The following MBOAT4 variants were observed in gnomAD, a reference collection of about 807,000 sequenced individuals.
MBOAT4 encodes the protein membrane-bound ghrelin O-acyltransferase MBOAT4.
MBOAT4 carries 11 observed loss-of-function variants against 13.2 expected under a neutral mutation model. That is an observed-to-expected ratio of 0.84 (90% confidence interval 0.53 to 1.38). The LOEUF (loss-of-function observed/expected upper bound fraction) is 1.38. MBOAT4 is among the 40% of genes most tolerant of loss of function. The pLI is 0.00. For synonymous variants in MBOAT4, 202 were observed against 210.3 expected (o/e 0.96, Z 0.34); for missense variants, 481 against 527.2 (o/e 0.91, Z 0.86).
At position 30,138,531 on chromosome 8, in the gene MBOAT4, C is replaced by T; in HGVS notation, c.344+1G>A. 6.5e-7 allele frequency: 1 copy of T among 1,544,428 alleles called. No individual in the cohort carries two copies. Among genetic ancestry groups the T allele is most frequent in the Non-Finnish European group, 8.8e-7 (1 of 1,141,142 alleles). ...GCATGACCAACGAACAGGCTGCTTA[C>T]CTCACAGAAGGAGGCTCATGCAGAT... On this transcript the variant is annotated splice_donor_variant, in intron 2 of 2. Transcript: ENST00000320542. LOFTEE classifies it high-confidence loss of function.
intron 2 of MBOAT4, among the ~76,000 whole-genome samples, chr8:30,134,914 C>G (rs1803106498): frequency 6.6e-6 from 1 of 152,106 alleles, no homozygotes; most frequent in Admixed American, 6.6e-5. Flanking sequence ...CGGTCTCACT[C>G]TATCACCCAG....
At chr8:30,137,891 G>T in intron 2 of MBOAT4, 1 of 251,984 alleles carries the variant, frequency 4.0e-6, no homozygotes, top group Admixed American at 5.1e-5. Context: ...TCCTCCAATT[G>T]CTCCTGGGGA....
chr8:30,135,913 GAA>G (rs36032566), intron 2 of MBOAT4, among the ~76,000 whole-genome samples: 5 of 128,860 alleles, frequency 3.9e-5, no homozygotes, highest in Non-Finnish European at 7.9e-5. Context: ...GACCTTGTCT[GAA>G]AAAAAAAAAA....
intron 2 of MBOAT4, among the ~76,000 whole-genome samples, chr8:30,134,361 T>G (rs1357855956): frequency 2.6e-5 from 4 of 151,316 alleles, no homozygotes; most frequent in Non-Finnish European, 5.9e-5. Flanking sequence ...AGGCGGAGGT[T>G]GCAGTGAGCC....
intron 2 of MBOAT4, among the ~76,000 whole-genome samples, chr8:30,134,511 G>C (rs866415179): frequency 6.6e-6 from 1 of 151,518 alleles, no homozygotes; most frequent in Non-Finnish European, 1.5e-5. Flanking sequence ...TATTCCCACT[G>C]TAATGCCCAA....
chr8:30,136,335 C>T (rs528235279), intron 2 of MBOAT4, among the ~76,000 whole-genome samples: 9 of 152,316 alleles, frequency 5.9e-5, no homozygotes, highest in South Asian at 2.1e-4. Context: ...GTGACCATCA[C>T]GCGGACATAC....
intron 2 of MBOAT4, 189 bp downstream of exon 2, chr8:30,138,343 A>T: frequency 1.8e-6 from 1 of 549,408 alleles, no homozygotes; most frequent in South Asian, 2.5e-5. Context: ...GCAACACAGT[A>T]TTGTTAGCCC....
intron 2 of MBOAT4, chr8:30,137,520 C>G: frequency 1.3e-6 from 2 of 1,506,216 alleles, no homozygotes; most frequent in Non-Finnish European, 1.8e-6. Context: ...TGCTCAGTGC[C>G]AGACACTGCA....
chr8:30,138,649 G>A lies in MBOAT4; in HGVS notation c.227C>T (p.Ser76Phe). 1.3e-6 allele frequency: 2 copies of A among 1,551,390 alleles called. No individual in the cohort carries two copies. The highest frequency in any genetic ancestry group is 1.7e-6 in the Non-Finnish European group (2 of 1,146,868). Residue 76 changes from serine (S) to phenylalanine (F), a missense_variant, in exon 2 of 3, where the codon TCC becomes TTC. Transcript: ENST00000320542. ...PAVCAVALLC[S>F]LAPQQVHRWT... ...CCTGTGGACTTGCTGAGGAGCCAGGGAACAGAGGAGAGCCACAGCGCAGAC... is the reference window on the plus strand; with the variant it reads ...CCTGTGGACTTGCTGAGGAGCCAGGAAACAGAGGAGAGCCACAGCGCAGAC...
rs1425203560 is a variant in MBOAT4 at position 30,132,816 on chromosome 8, T to G, written c.435A>C (p.Ala145=). Residue 145 remains alanine (A), a synonymous_variant, in exon 3 of 3, where the codon GCA becomes GCC. Coordinates refer to ENST00000320542, the MANE Select transcript of MBOAT4 (RefSeq NM_001100916.2). ...LDICEGKVKA[A]SGGFRSRSSL... ...AGCTCCTGCTCCTGAAGCCTCCAGA[T>G]GCTGCCTTCACTTTCCCCTCACAAA... is the stretch of plus-strand genomic sequence containing the variant. 6.4e-7 allele frequency: 1 copy of G among 1,551,774 alleles called. No individual in the cohort carries two copies. Among genetic ancestry groups the G allele is most frequent in the Admixed American group, 2.0e-5 (1 of 51,006 alleles).
Position 30,132,126 on chromosome 8 carries a change from CCTCATCGGCCAGGATCTGATAAA to C in MBOAT4, c.1102_1124del (p.Phe368AlafsTer4). The C allele has an allele frequency of 6.4e-7, 1 of 1,551,672 alleles. No homozygotes were observed. The highest frequency in any genetic ancestry group is 8.7e-7 in the Non-Finnish European group (1 of 1,146,994). On this transcript the variant is annotated frameshift_variant, in exon 3 of 3. Transcript: ENST00000320542. LOFTEE classifies it low-confidence loss of function (END_TRUNC). The stretch of plus-strand genomic sequence containing the variant: ...CCCAGGTGAGGGTTCTATAGAACAG[CCTCATCGGCCAGGATCTGATAAA>C]CTCATTGGCAAAGGAGTGAATCAGG...
At chr8:30,133,215 C>T (rs547241529) in intron 2 of MBOAT4, among the ~76,000 whole-genome samples, 3 of 152,230 alleles carry the variant, frequency 2.0e-5, no homozygotes, top group African/African-American at 7.2e-5. Context: ...CCGCCCCTGG[C>T]AATATTTATA....
At chr8:30,137,790 T>A (rs1585486390) in intron 2 of MBOAT4, 1 of 402,940 alleles carries the variant, frequency 2.5e-6, no homozygotes, top group East Asian at 4.7e-5. Context: ...GCCTGGAAAC[T>A]AGACTGCCTT....
intron 2 of MBOAT4, among the ~76,000 whole-genome samples, chr8:30,136,730 C>CTTTTTTTTTTTT (rs11390350): frequency 7.0e-6 from 1 of 143,788 alleles, no homozygotes; most frequent in African/African-American, 2.6e-5. Flanking sequence ...TCCCCCCGAA[C>CTTTTTTTTTTTT]TTTTTTTTTT....
intron 1 of MBOAT4, among the ~76,000 whole-genome samples, chr8:30,138,983 T>G (rs1307407252): frequency 6.6e-6 from 1 of 151,988 alleles, no homozygotes; most frequent in Non-Finnish European, 1.5e-5. Flanking sequence ...AAATCTTTTT[T>G]TTTTTTTTGA....
At position 30,138,752 on chromosome 8, in the gene MBOAT4, G is replaced by C; in HGVS notation, c.124C>G (p.Leu42Val). ...GCACCTCCTCCAGTCAGGAGAAAGAGGTACCTGAAAGAGAAGGGACACCTT... is the reference window on the plus strand; with the variant it reads ...GCACCTCCTCCAGTCAGGAGAAAGACGTACCTGAAAGAGAAGGGACACCTT... ...MDSFSTRARY[L>V]FLLTGGGALA... Residue 42 changes from leucine to valine, a missense_variant, in exon 2 of 3, where the codon CTC becomes GTC. Coordinates refer to ENST00000320542, the MANE Select transcript of MBOAT4 (RefSeq NM_001100916.2). The C allele has an allele frequency of 6.5e-7, 1 of 1,549,236 alleles. No homozygotes were observed. The highest frequency in any genetic ancestry group is 2.0e-5 in the Admixed American group (1 of 50,966).
At chr8:30,136,727 G>A (rs2134559) in intron 2 of MBOAT4, among the ~76,000 whole-genome samples, 1 of 143,670 alleles carries the variant, frequency 7.0e-6, no homozygotes, top group Non-Finnish European at 1.5e-5. Flanking sequence ...CTCTCCCCCC[G>A]AACTTTTTTT....
intron 1 of MBOAT4, 30 bp downstream of exon 1, chr8:30,144,453 T>G: frequency 1.4e-6 from 2 of 1,451,320 alleles, no homozygotes; most frequent in Non-Finnish European, 1.9e-6. Flanking sequence ...TATTTCTGGA[T>G]GTAAGAGTAA....
chr8:30,134,697 G>A (rs781340096), intron 2 of MBOAT4, among the ~76,000 whole-genome samples: 3 of 151,312 alleles, frequency 2.0e-5, no homozygotes, highest in South Asian at 2.1e-4. Context: ...ACAGGTGCAC[G>A]CCACCACGCC....
Sources: gnomAD v4.1 joint callset for allele counts (sites outside exome capture counted in the v4.1 genomes callset) on GRCh38, gnomAD v4.1.1 for gene constraint, MANE v1.5 for transcripts, NCBI Gene and HGNC (gene_info 2026-07-23, HGNC 2026-07-21) for gene names.